PPP1CB: variants seen among roughly 807,000 people sequenced by gnomAD.
The protein encoded by PPP1CB is serine/threonine-protein phosphatase PP1-beta catalytic subunit.
Under a neutral mutation model 43.7 loss-of-function variants are expected in PPP1CB, and 2 were observed. The observed-to-expected ratio is 0.05, with a 90% confidence interval of 0.02 to 0.14. The LOEUF (loss-of-function observed/expected upper bound fraction) is 0.14. PPP1CB is among the 10% of genes least tolerant of loss of function. The pLI is 1.00. For synonymous variants in PPP1CB, 136 were observed against 135.6 expected (o/e 1.00, Z -0.02); for missense variants, 84 against 398.0 (o/e 0.21, Z 6.71).
At chr2:28,761,139 C>G (rs1420481793) in intron 1 of PPP1CB, among the ~76,000 whole-genome samples, 1 of 152,156 alleles carries the variant, frequency 6.6e-6, no homozygotes, top group Non-Finnish European at 1.5e-5. Flanking sequence ...ATTTGCCCAC[C>G]TTGGCCTCCC....
At chr2:28,767,435 T>G (rs189907666) in intron 1 of PPP1CB, among the ~76,000 whole-genome samples, 91 of 152,282 alleles carry the variant, frequency 6.0e-4, no homozygotes, top group African/African-American at 2.1e-3. Flanking sequence ...CACACTTTAT[T>G]GTGTCTTAAA....
At chr2:28,769,997 C>T (rs1034689347) in intron 1 of PPP1CB, among the ~76,000 whole-genome samples, 10 of 151,874 alleles carry the variant, frequency 6.6e-5, no homozygotes, top group South Asian at 4.2e-4. Flanking sequence ...GGCTGGGCAC[C>T]GTGGCTCACA....
intron 2 of PPP1CB, chr2:28,778,600 G>C (rs1667087320): frequency 1.8e-6 from 1 of 558,524 alleles, no homozygotes. Flanking sequence ...GTGAGAGAGT[G>C]CAAGCAAGAT....
intron 1 of PPP1CB, among the ~76,000 whole-genome samples, chr2:28,763,412 C>T (rs534444690): frequency 2.0e-5 from 3 of 151,966 alleles, no homozygotes; most frequent in Admixed American, 1.3e-4. Context: ...TTTTACCCAT[C>T]CTTGCTTTTG....
intron 7 of PPP1CB, among the ~76,000 whole-genome samples, chr2:28,796,842 G>C (rs1174189027): frequency 6.6e-6 from 1 of 152,056 alleles, no homozygotes; most frequent in Non-Finnish European, 1.5e-5. Context: ...GGTCATCCTA[G>C]TCTCTTGTTC....
intron 5 of PPP1CB, 49 bp downstream of exon 5, chr2:28,784,027 T>C: frequency 7.3e-7 from 1 of 1,376,454 alleles, no homozygotes; most frequent in Non-Finnish European, 1.0e-6. Flanking sequence ...GTTTTCATAT[T>C]TGAACTTGAT....
intron 1 of PPP1CB, among the ~76,000 whole-genome samples, chr2:28,767,325 G>T (rs1311855069): frequency 6.6e-6 from 1 of 151,954 alleles, no homozygotes; most frequent in Non-Finnish European, 1.5e-5. Context: ...ATGCTGTGGT[G>T]AGTGCTCCAT....
rs111463886 is a variant in PPP1CB, at chr2:28,776,265, G to GTT, written c.53-577_53-576dup. Among the ~76,000 whole-genome samples the GTT allele has an allele frequency of 4.5e-3, 658 of 146,718 alleles. 7 individuals carry two copies. Among genetic ancestry groups the GTT allele is most frequent in the African/African-American group, 0.015 (620 of 40,130 alleles). On this transcript the variant is annotated intron_variant, in intron 1 of 7. Transcript: ENST00000395366. ...GTTGTTGTTTTTTTTCTGTTTGTTT[G>GTT]TTTTTTTTTTATTTGAGACGGAGTC...
intron 1 of PPP1CB, among the ~76,000 whole-genome samples, chr2:28,769,993 G>C (rs1001929630): frequency 1.3e-5 from 2 of 152,156 alleles, no homozygotes; most frequent in Admixed American, 6.5e-5. Flanking sequence ...TATTGGCTGG[G>C]CACCGTGGCT....
chr2:28,778,027 TG>T (rs1667077535), intron 2 of PPP1CB, among the ~76,000 whole-genome samples: 2 of 152,324 alleles, frequency 1.3e-5, no homozygotes, highest in South Asian at 4.1e-4. Flanking sequence ...GTTCAGAATT[TG>T]GGGGAACTAA....
Position 28,751,948 on chromosome 2 carries a change from C to T in PPP1CB, c.-177C>T, listed in dbSNP as rs1666293828. The T allele has an allele frequency of 1.5e-6, 1 of 653,466 alleles. No individual in the cohort carries two copies. The highest frequency in any genetic ancestry group is 2.7e-6 in the Non-Finnish European group (1 of 369,354). 40.5% of individuals were successfully genotyped at this position (653,466 alleles called of 1,614,324 possible). On this transcript the variant is annotated 5_prime_UTR_variant, in exon 1 of 8. Coordinates refer to ENST00000395366, the MANE Select transcript of PPP1CB (RefSeq NM_002709.3). ...CCGTGGGTGCCTCCGAGTGTGCGCG[C>T]GCTCTCGCTACCCGGCGGGGAGGGG...
At chr2:28,798,160 G>A (rs1008146528) in intron 7 of PPP1CB, among the ~76,000 whole-genome samples, 2 of 151,954 alleles carry the variant, frequency 1.3e-5, no homozygotes, top group Admixed American at 6.6e-5. Context: ...TTTCTATACT[G>A]TTTTAGTTTT....
chr2:28,753,260 TCAAATTAC>T (rs1192440854), intron 1 of PPP1CB, among the ~76,000 whole-genome samples: 1 of 152,248 alleles, frequency 6.6e-6, no homozygotes, highest in Admixed American at 6.5e-5. Flanking sequence ...CTGTTTGCTT[TCAAATTAC>T]CTTAAGATAA....
chr2:28,763,908 G>C (rs1488896071), intron 1 of PPP1CB, among the ~76,000 whole-genome samples: 6 of 140,864 alleles, frequency 4.3e-5, no homozygotes, highest in African/African-American at 1.2e-4. Context: ...GTTTCAGCAT[G>C]TTGGTCAGGC....
intron 5 of PPP1CB, among the ~76,000 whole-genome samples, chr2:28,785,085 TTTTTTTTTG>T (rs1223694392): frequency 8.7e-6 from 1 of 114,722 alleles, no homozygotes; most frequent in South Asian, 3.3e-4. Flanking sequence ...TTTTTTTTTT[TTTTTTTTTG>T]AGACAGAGTC....
chr2:28,763,655 G>C (rs1666711100), intron 1 of PPP1CB, among the ~76,000 whole-genome samples: 1 of 152,122 alleles, frequency 6.6e-6, no homozygotes, highest in South Asian at 2.1e-4. Flanking sequence ...CAGACAATTT[G>C]TGGTACTATA....
In PPP1CB at chr2:28,800,613, A is replaced by G. The variant is rs759377683; in HGVS notation, c.*1310A>G. ...CTATTTCTTTTTTTTAAGGGTTAGT[A>G]TTAACAAATGGCAATGAGTAGAAAA... is the stretch of plus-strand genomic sequence containing the variant. On this transcript the variant is annotated 3_prime_UTR_variant, in exon 8 of 8. Transcript: ENST00000395366. 2 of 152,412 alleles carry G rather than the reference A, an allele frequency of 1.3e-5. No individual in the cohort carries two copies. The highest frequency in any genetic ancestry group is 2.9e-5 in the Non-Finnish European group (2 of 67,902). The allele number at this position is 152,412 out of a possible 1,614,324, so 9.4% of individuals were successfully genotyped here.
chr2:28,763,451 G>A (rs1383899659), intron 1 of PPP1CB, among the ~76,000 whole-genome samples: 9 of 147,760 alleles, frequency 6.1e-5, no homozygotes, highest in Non-Finnish European at 1.2e-4. Flanking sequence ...CAGTGCAGTG[G>A]AAAAAAAAAA....
At chr2:28,781,892 G>A (rs1317995070) in intron 4 of PPP1CB, 50 bp downstream of exon 4, 11 of 1,213,504 alleles carry the variant, frequency 9.1e-6, no homozygotes, top group Non-Finnish European at 1.3e-5. Flanking sequence ...CTATTATTCG[G>A]AAAATACCTA....
Sources: allele counts gnomAD v4.1 joint callset (sites outside exome capture counted in the v4.1 genomes callset), GRCh38; gene constraint gnomAD v4.1.1; transcripts MANE v1.5; gene names NCBI Gene and HGNC (gene_info 2026-07-23, HGNC 2026-07-21).